The following ATP8A1 variants were observed in gnomAD, a reference collection of about 807,000 sequenced individuals.
ATP8A1 encodes phospholipid-transporting ATPase IA.
A neutral mutation model predicts 177.7 loss-of-function variants in ATP8A1; 90 were observed. That is an observed-to-expected ratio of 0.51 (90% CI 0.43 to 0.60). The LOEUF (loss-of-function observed/expected upper bound fraction) is 0.60. Ranked by LOEUF, ATP8A1 falls within the 20% of genes least tolerant of loss-of-function variation. The pLI, the probability that ATP8A1 is intolerant of heterozygous loss-of-function variation, is 0.00. For synonymous variants in ATP8A1, 493 were observed against 485.9 expected (o/e 1.01, Z -0.19); for missense variants, 1,072 against 1,392.8 (o/e 0.77, Z 3.67).
intron 10 of ATP8A1, 121 bp from the exon 11 acceptor site, chr4:42,580,099 G>T: frequency 2.9e-6 from 2 of 680,622 alleles, no homozygotes; most frequent in Non-Finnish European, 4.6e-6. Flanking sequence ...GTGGATACGT[G>T]AAAATTATGT....
intron 20 of ATP8A1, among the ~76,000 whole-genome samples, chr4:42,541,129 AAATAAATG>A (rs372624286): frequency 9.8e-5 from 15 of 152,290 alleles, no homozygotes; most frequent in African/African-American, 3.6e-4. Context: ...CTGTCTCTAA[AAATAAATG>A]AATAAATGAA....
intron 5 of ATP8A1, among the ~76,000 whole-genome samples, chr4:42,611,724 G>C (rs943443703): frequency 1.3e-5 from 2 of 152,186 alleles, no homozygotes; most frequent in African/African-American, 4.8e-5. Flanking sequence ...ATTTTTACCA[G>C]TTAAAATAAA....
chr4:42,629,141 G>GGACT (rs1267703604), intron 1 of ATP8A1, among the ~76,000 whole-genome samples: 1 of 152,106 alleles, frequency 6.6e-6, no homozygotes, highest in Non-Finnish European at 1.5e-5. Context: ...TGAACTAAAG[G>GGACT]GACTGGAATT....
chr4:42,593,589 C>G (rs1193302693), intron 6 of ATP8A1, among the ~76,000 whole-genome samples: 1 of 151,772 alleles, frequency 6.6e-6, no homozygotes, highest in African/African-American at 2.4e-5. Flanking sequence ...ACAAATAAAC[C>G]TGTCCAAGGA....
intron 1 of ATP8A1, among the ~76,000 whole-genome samples, chr4:42,631,748 T>C (rs1017461698): frequency 1.1e-4 from 17 of 152,292 alleles, no homozygotes; most frequent in Middle Eastern, 3.4e-3. Flanking sequence ...AATTGATATT[T>C]AATCTTCCAA....
In ATP8A1 at chr4:42,557,285, G is replaced by A. The variant is rs574861696; in HGVS notation, c.1341-1245C>T. ...TCATTATTTCTCTAATTTTGAAGATGGAAGGAAAAAAATCTAAGAAAAAGA... is the reference window on the plus strand; with the variant it reads ...TCATTATTTCTCTAATTTTGAAGATAGAAGGAAAAAAATCTAAGAAAAAGA... On this transcript the variant is annotated intron_variant, in intron 15 of 36. Transcript: ENST00000381668. Among the ~76,000 whole-genome samples, 5 of 151,940 alleles carry A rather than the reference G, an allele frequency of 3.3e-5. No homozygotes were observed. The East Asian group carries it at 9.7e-4, about 29-fold the overall frequency.
intron 4 of ATP8A1, among the ~76,000 whole-genome samples, chr4:42,620,966 T>C (rs1276666055): frequency 6.6e-6 from 1 of 152,210 alleles, no homozygotes; most frequent in Non-Finnish European, 1.5e-5. Context: ...GAAAAACATT[T>C]GTGAAACACT....
chr4:42,619,891 C>T (rs1198651029), intron 4 of ATP8A1, among the ~76,000 whole-genome samples: 1 of 152,128 alleles, frequency 6.6e-6, no homozygotes, highest in Non-Finnish European at 1.5e-5. Context: ...ACTGAGATTC[C>T]ATCCCCTCTC....
intron 15 of ATP8A1, among the ~76,000 whole-genome samples, chr4:42,564,247 G>A (rs1322918377): frequency 6.6e-6 from 1 of 152,132 alleles, no homozygotes; most frequent in Admixed American, 6.5e-5. Context: ...GAAAATGTGG[G>A]GTCAGAGCCC....
intron 8 of ATP8A1, 83 bp from the exon 9 acceptor site, chr4:42,586,559 G>A: frequency 3.0e-6 from 4 of 1,323,392 alleles, no homozygotes; most frequent in Non-Finnish European, 4.2e-6. Context: ...ATTCATCCAA[G>A]TCTTAAGATC....
chr4:42,615,835 A>G (rs1285157063), intron 5 of ATP8A1, among the ~76,000 whole-genome samples, 198 bp downstream of exon 5: 1 of 152,228 alleles, frequency 6.6e-6, no homozygotes, highest in East Asian at 1.9e-4. Context: ...TTGGCTTTCA[A>G]AAGTATTATC....
chr4:42,450,419 G>C (rs1717810183), intron 30 of ATP8A1, among the ~76,000 whole-genome samples: 1 of 152,122 alleles, frequency 6.6e-6, no homozygotes, highest in Admixed American at 6.5e-5. Flanking sequence ...GCATAATTCA[G>C]TGAATATACT....
At chr4:42,558,364 A>G (rs1003075552) in intron 15 of ATP8A1, among the ~76,000 whole-genome samples, 2 of 152,190 alleles carry the variant, frequency 1.3e-5, no homozygotes, top group Admixed American at 6.5e-5. Flanking sequence ...CCAAGGAGAC[A>G]ATGACGTTAT....
rs762278440 is a variant in ATP8A1 at position 42,555,130 on chromosome 4, TATC to T, written c.1413+835_1413+837del. ...CTATCTATCTATCTATCTATCTATC[TATC>T]TATCTAATCTATCTATCTATCTATC... On this transcript the variant is annotated intron_variant, in intron 16 of 36. Transcript: ENST00000381668. Among the ~76,000 whole-genome samples the T allele has an allele frequency of 1.4e-3, 115 of 82,908 alleles. 1 individual carries two copies. Among genetic ancestry groups the T allele is most frequent in the African/African-American group, 1.5e-3 (28 of 18,796 alleles). 54.4% of individuals were successfully genotyped at this position (82,908 alleles called of 152,430 possible).
intron 7 of ATP8A1, among the ~76,000 whole-genome samples, chr4:42,589,236 A>G (rs1733920239): frequency 6.6e-6 from 1 of 152,238 alleles, no homozygotes; most frequent in African/African-American, 2.4e-5. Context: ...TTAATTCTAA[A>G]GAAAAGCATT....
intron 1 of ATP8A1, among the ~76,000 whole-genome samples, chr4:42,642,159 T>C (rs990810098): frequency 6.6e-6 from 1 of 152,100 alleles, no homozygotes; most frequent in Non-Finnish European, 1.5e-5. Flanking sequence ...TTACCCAGGA[T>C]AAGGAAAGTG....
chr4:42,487,991 C>T (rs1225230341), intron 24 of ATP8A1, among the ~76,000 whole-genome samples: 1 of 152,114 alleles, frequency 6.6e-6, no homozygotes, highest in African/African-American at 2.4e-5. Context: ...ACAAGCCTCA[C>T]CCTCCTGTTT....
chr4:42,613,606 T>C (rs1021633841), intron 5 of ATP8A1, among the ~76,000 whole-genome samples: 2 of 152,150 alleles, frequency 1.3e-5, no homozygotes, highest in African/African-American at 4.8e-5. Context: ...TTTTTTAAGA[T>C]AGAGTCTCTC....
chr4:42,607,495 G>C (rs1399886885), intron 5 of ATP8A1, among the ~76,000 whole-genome samples: 1 of 152,106 alleles, frequency 6.6e-6, no homozygotes, highest in Non-Finnish European at 1.5e-5. Context: ...TAGCAATCTA[G>C]GTATTTTTAA....
Sources: allele counts gnomAD v4.1 joint callset (sites outside exome capture counted in the v4.1 genomes callset), GRCh38; gene constraint gnomAD v4.1.1; transcripts MANE v1.5; gene names NCBI Gene and HGNC (gene_info 2026-07-23, HGNC 2026-07-21).